Variants in LRRC4C observed in about 807,000 individuals in gnomAD.
LRRC4C encodes the protein leucine rich repeat containing 4C.
In LRRC4C, 5 loss-of-function variants were observed where a neutral mutation model predicts 33.6. The observed-to-expected ratio is 0.15, with a 90% confidence interval of 0.08 to 0.31. The LOEUF is 0.31. LRRC4C is among the 10% of genes least tolerant of loss of function. The pLI is 1.00. For synonymous variants in LRRC4C, 329 were observed against 302.0 expected (o/e 1.09, Z -0.93); for missense variants, 560 against 796.7 (o/e 0.70, Z 3.58).
chr11:40,425,168 G>T (rs1312994716), intron 3 of LRRC4C, among the ~76,000 whole-genome samples: 1 of 151,980 alleles, frequency 6.6e-6, no homozygotes, highest in Non-Finnish European at 1.5e-5. Flanking sequence ...GTTTGTGGGG[G>T]ATGTTAAATC....
At chr11:40,846,362 G>A (rs1591869310) in intron 2 of LRRC4C, among the ~76,000 whole-genome samples, 1 of 152,110 alleles carries the variant, frequency 6.6e-6, no homozygotes, top group Non-Finnish European at 1.5e-5. Flanking sequence ...TGTATGAGGT[G>A]TAAGGAAGGG....
intron 1 of LRRC4C, among the ~76,000 whole-genome samples, chr11:41,278,480 C>G (rs1949552346): frequency 6.6e-6 from 1 of 152,134 alleles, no homozygotes; most frequent in Non-Finnish European, 1.5e-5. Flanking sequence ...ATGTTGTACA[C>G]AATAAATACA....
At chr11:40,571,672 C>T (rs1221941674) in intron 3 of LRRC4C, among the ~76,000 whole-genome samples, 1 of 152,082 alleles carries the variant, frequency 6.6e-6, no homozygotes, top group Non-Finnish European at 1.5e-5. Flanking sequence ...ATATCTGATC[C>T]TAACCTTTTT....
chr11:40,471,760 C>A (rs984073533), intron 3 of LRRC4C, among the ~76,000 whole-genome samples: 1 of 150,948 alleles, frequency 6.6e-6, no homozygotes, highest in Non-Finnish European at 1.5e-5. Context: ...CAGATTAAGA[C>A]AGAAAATTAA....
At chr11:41,037,825 G>T (rs1565324428) in intron 1 of LRRC4C, among the ~76,000 whole-genome samples, 1 of 152,084 alleles carries the variant, frequency 6.6e-6, no homozygotes, top group Non-Finnish European at 1.5e-5. Context: ...AGGTGTTTTG[G>T]CTGTGTAGGC....
chr11:40,729,611 A>G (rs1018947317), intron 2 of LRRC4C, among the ~76,000 whole-genome samples: 5 of 152,138 alleles, frequency 3.3e-5, no homozygotes, highest in Non-Finnish European at 7.4e-5. Flanking sequence ...ATCAATGCCT[A>G]AGGATGGAGA....
chr11:40,725,698 A>G (rs2136723162), intron 2 of LRRC4C, among the ~76,000 whole-genome samples: 1 of 152,326 alleles, frequency 6.6e-6, no homozygotes, highest in South Asian at 2.1e-4. Flanking sequence ...CATGTTATCA[A>G]ACTGCACAGC....
intron 1 of LRRC4C, among the ~76,000 whole-genome samples, chr11:41,239,130 A>G (rs954029541): frequency 1.4e-5 from 2 of 145,530 alleles, no homozygotes; most frequent in African/African-American, 5.1e-5. Context: ...CCTGGCCAAC[A>G]CGGTGAAACC....
At chr11:40,645,937 AG>A (rs767687362) in intron 3 of LRRC4C, among the ~76,000 whole-genome samples, 9 of 152,008 alleles carry the variant, frequency 5.9e-5, no homozygotes, top group African/African-American at 9.7e-5. Flanking sequence ...CCCCTCCTCC[AG>A]TATTCTAAAT....
intron 6 of LRRC4C, among the ~76,000 whole-genome samples, chr11:40,128,708 C>T (rs998534075): frequency 7.2e-5 from 11 of 152,066 alleles, no homozygotes; most frequent in South Asian, 2.1e-4. Flanking sequence ...ATTGGCCTTT[C>T]GTGGTTTCTC....
chr11:40,667,178 C>G (rs1363039586), intron 2 of LRRC4C, among the ~76,000 whole-genome samples: 1 of 152,130 alleles, frequency 6.6e-6, no homozygotes, highest in Non-Finnish European at 1.5e-5. Context: ...TGTTTTTACA[C>G]AAGTAACTTT....
At chr11:41,103,937 A>T (rs976906732) in intron 1 of LRRC4C, among the ~76,000 whole-genome samples, 1 of 151,942 alleles carries the variant, frequency 6.6e-6, no homozygotes, top group African/African-American at 2.4e-5. Context: ...TATTCCGATG[A>T]TGAAGGTAGA....
intron 1 of LRRC4C, among the ~76,000 whole-genome samples, chr11:41,318,550 C>A (rs1950862255): frequency 6.6e-6 from 1 of 152,190 alleles, no homozygotes; most frequent in Non-Finnish European, 1.5e-5. Context: ...TCTCCCTCTG[C>A]TCCACTATCT....
intron 1 of LRRC4C, among the ~76,000 whole-genome samples, chr11:41,159,621 A>C (rs1944379764): frequency 6.6e-6 from 1 of 152,162 alleles, no homozygotes; most frequent in African/African-American, 2.4e-5. Context: ...GATCATTCAT[A>C]TTCTAAGCAC....
intron 3 of LRRC4C, among the ~76,000 whole-genome samples, chr11:40,475,468 G>C (rs571989803): frequency 6.6e-6 from 1 of 152,198 alleles, no homozygotes; most frequent in East Asian, 1.9e-4. Context: ...GGGGCTAGGG[G>C]AGGGATAGCA....
intron 3 of LRRC4C, among the ~76,000 whole-genome samples, chr11:40,386,541 C>T (rs909500828): frequency 1.2e-4 from 18 of 152,162 alleles, no homozygotes; most frequent in African/African-American, 4.3e-4. Context: ...TTTCTTCCAT[C>T]TAGTACTTCT....
At chr11:41,338,913 G>A (rs1405262726) in intron 1 of LRRC4C, among the ~76,000 whole-genome samples, 1 of 151,832 alleles carries the variant, frequency 6.6e-6, no homozygotes, top group Non-Finnish European at 1.5e-5. Context: ...ATATTGACAT[G>A]GAAATGTCCC....
intron 2 of LRRC4C, among the ~76,000 whole-genome samples, chr11:40,678,351 C>T (rs529840158): frequency 7.2e-5 from 11 of 152,172 alleles, no homozygotes; most frequent in South Asian, 4.2e-4. Context: ...CATTTCCATG[C>T]GCACCAGATA....
At chr11:41,065,976 T>C (rs1223482563) in intron 1 of LRRC4C, among the ~76,000 whole-genome samples, 1 of 152,168 alleles carries the variant, frequency 6.6e-6, no homozygotes, top group Non-Finnish European at 1.5e-5. Context: ...GCAAAAATGC[T>C]GAAAATTCCA....
Sources: gnomAD v4.1 joint callset for allele counts (sites outside exome capture counted in the v4.1 genomes callset) on GRCh38, gnomAD v4.1.1 for gene constraint, MANE v1.5 for transcripts, NCBI Gene and HGNC (gene_info 2026-07-23, HGNC 2026-07-21) for gene names.